The following DLC1 variants were observed in gnomAD, a reference collection of about 807,000 sequenced individuals.
The protein encoded by DLC1 is rho GTPase-activating protein 7.
DLC1 carries 54 observed loss-of-function variants against 140.3 expected under a neutral mutation model. The ratio of observed to expected loss-of-function variants is 0.38; its 90% confidence interval spans 0.31 to 0.48. DLC1 has a LOEUF of 0.48. Among genes scored for constraint, DLC1 ranks in the 20% least tolerant of loss-of-function variants. The pLI is 0.96. For missense variants in DLC1, 2,536 were observed against 1,907.0 expected (o/e 1.33, Z -6.14); for synonymous variants, 986 against 728.1 (o/e 1.35, Z -5.70).
intron 4 of DLC1, among the ~76,000 whole-genome samples, chr8:13,380,940 T>C (rs1282379265): frequency 6.6e-6 from 1 of 152,198 alleles, no homozygotes; most frequent in Non-Finnish European, 1.5e-5. Flanking sequence ...AGTGAAAACA[T>C]CCACCTCCAA....
At chr8:13,411,702 C>A (rs886637797) in intron 2 of DLC1, among the ~76,000 whole-genome samples, 6 of 151,866 alleles carry the variant, frequency 4.0e-5, no homozygotes, top group Admixed American at 1.3e-4. Context: ...TTAAAAAGTC[C>A]ATTAAAAATA....
chr8:13,568,993 G>T (rs374584591), intron 1 of DLC1, among the ~76,000 whole-genome samples: 2 of 152,150 alleles, frequency 1.3e-5, no homozygotes, highest in Non-Finnish European at 2.9e-5. Context: ...AGAGAAGAAC[G>T]CTTAAACAAA....
At chr8:13,248,331 C>T (rs1356502176) in intron 5 of DLC1, among the ~76,000 whole-genome samples, 2 of 152,162 alleles carry the variant, frequency 1.3e-5, no homozygotes, top group Non-Finnish European at 2.9e-5. Context: ...ACCTCTTTTC[C>T]TGAAGCCTCA....
Position 13,119,243 on chromosome 8 carries a change from A to T in DLC1, c.1349-3586T>A, listed in dbSNP as rs867741210. ...ACCCTGTCTAAAAAAAAAAAAAAAA[A>T]AAAATAGGTCTAAACACCCTGGCAA... On this transcript the variant is annotated intron_variant, in intron 5 of 17. Coordinates refer to ENST00000276297, the MANE Select transcript of DLC1 (RefSeq NM_182643.3). Among the ~76,000 whole-genome samples, 572 of 151,954 alleles carry T rather than the reference A, an allele frequency of 3.8e-3. 6 individuals are homozygous for T. Among genetic ancestry groups the T allele is most frequent in the Admixed American group, 9.6e-3 (147 of 15,258 alleles).
At chr8:13,117,918 T>C (rs1820703781) in intron 5 of DLC1, among the ~76,000 whole-genome samples, 1 of 152,260 alleles carries the variant, frequency 6.6e-6, no homozygotes, top group African/African-American at 2.4e-5. Context: ...ATATTTTTTA[T>C]ATAATAACTT....
At chr8:13,524,867 T>A (rs1411735686) in intron 1 of DLC1, among the ~76,000 whole-genome samples, 3 of 152,238 alleles carry the variant, frequency 2.0e-5, no homozygotes, top group African/African-American at 7.2e-5. Context: ...TCTACATATT[T>A]AAAGTGAACA....
At chr8:13,104,557 G>A (rs1819394295) in intron 7 of DLC1, among the ~76,000 whole-genome samples, 1 of 152,120 alleles carries the variant, frequency 6.6e-6, no homozygotes. Context: ...GCTATCACCA[G>A]TTTTCTAGTT....
At chr8:13,548,172 C>A (rs1803717776) in intron 1 of DLC1, among the ~76,000 whole-genome samples, 1 of 151,982 alleles carries the variant, frequency 6.6e-6, no homozygotes, top group Non-Finnish European at 1.5e-5. Context: ...AGTAAAAGTT[C>A]AATATCTTGT....
intron 5 of DLC1, among the ~76,000 whole-genome samples, chr8:13,173,547 T>C (rs1825603525): frequency 6.6e-6 from 1 of 152,154 alleles, no homozygotes; most frequent in Admixed American, 6.5e-5. Flanking sequence ...AATTTTTGTA[T>C]TTTTAGCAGA....
chr8:13,095,060 C>A (rs370691382), intron 11 of DLC1, 26 bp downstream of exon 11: 4 of 1,613,858 alleles, frequency 2.5e-6, no homozygotes, highest in Admixed American at 3.3e-5. Flanking sequence ...CCCCTGAGTA[C>A]GTGGACCCGC....
chr8:13,296,191 A>G (rs867912230), intron 5 of DLC1, among the ~76,000 whole-genome samples: 1 of 151,922 alleles, frequency 6.6e-6, no homozygotes, highest in South Asian at 2.1e-4. Flanking sequence ...CTTGGCCTCA[A>G]GTGATTCGCT....
In DLC1 at chr8:13,388,426, A is replaced by G. The variant is rs1836613942; in HGVS notation, c.1314+5127T>C. ...CCAGACACAAGCAAAACCACACTAT[A>G]CATTGGTAACAATAAATCTGCATTT... On this transcript the variant is annotated intron_variant, in intron 4 of 17. Coordinates refer to ENST00000276297, the MANE Select transcript of DLC1 (RefSeq NM_182643.3). 1.3e-5 allele frequency among the ~76,000 whole-genome samples: 2 copies of G among 151,978 alleles called. 1 individual carries two copies. Among genetic ancestry groups the G allele is most frequent in the South Asian group, 4.1e-4 (2 of 4,830 alleles).
At chr8:13,502,204 T>A (rs1304795213) in intron 1 of DLC1, among the ~76,000 whole-genome samples, 4 of 152,188 alleles carry the variant, frequency 2.6e-5, no homozygotes, top group Non-Finnish European at 4.4e-5. Context: ...TTCTGTCAAA[T>A]CAAAGGAAGA....
chr8:13,449,241 T>C (rs1798933639), intron 2 of DLC1, among the ~76,000 whole-genome samples: 1 of 152,108 alleles, frequency 6.6e-6, no homozygotes. Context: ...TCTTTGGAGA[T>C]GTGGAGATTG....
chr8:13,442,887 G>A (rs1319169123), intron 2 of DLC1, among the ~76,000 whole-genome samples: 2 of 152,120 alleles, frequency 1.3e-5, no homozygotes, highest in African/African-American at 4.8e-5. Context: ...TCATGCTGCT[G>A]TAAAGACACA....
intron 5 of DLC1, among the ~76,000 whole-genome samples, chr8:13,169,481 A>T (rs1295144575): frequency 6.6e-6 from 1 of 152,232 alleles, no homozygotes; most frequent in Non-Finnish European, 1.5e-5. Flanking sequence ...TGCCTGGCTT[A>T]AAGTAGAAAT....
intron 4 of DLC1, among the ~76,000 whole-genome samples, chr8:13,313,178 T>G (rs1215928477): frequency 6.6e-6 from 1 of 152,176 alleles, no homozygotes; most frequent in Non-Finnish European, 1.5e-5. Flanking sequence ...TTCTTCTTCC[T>G]AGTATGCTCA....
chr8:13,419,410 A>T (rs1242653314), intron 2 of DLC1, among the ~76,000 whole-genome samples: 2 of 152,140 alleles, frequency 1.3e-5, no homozygotes, highest in African/African-American at 2.4e-5. Context: ...ATTTATTGAG[A>T]GTTTTTAGCA....
intron 1 of DLC1, among the ~76,000 whole-genome samples, chr8:13,505,684 C>G (rs1802027017): frequency 6.6e-6 from 1 of 152,056 alleles, no homozygotes; most frequent in South Asian, 2.1e-4. Context: ...AGAAAAGGTG[C>G]CAGTTTGGAT....
Sources: allele counts gnomAD v4.1 joint callset (sites outside exome capture counted in the v4.1 genomes callset), GRCh38; gene constraint gnomAD v4.1.1; transcripts MANE v1.5; gene names NCBI Gene and HGNC (gene_info 2026-07-23, HGNC 2026-07-21).